SLC25A33: variants seen among roughly 807,000 people sequenced by gnomAD.
SLC25A33 encodes bone marrow stromal cell mitochondrial carrier protein.
A neutral mutation model predicts 35.5 loss-of-function variants in SLC25A33; 15 were observed. The ratio of observed to expected loss-of-function variants is 0.42; its 90% CI spans 0.28 to 0.65. SLC25A33 has a LOEUF of 0.65. SLC25A33 is among the 30% of genes least tolerant of loss of function. The pLI is 0.20. For synonymous variants in SLC25A33, 136 were observed against 148.7 expected (o/e 0.91, Z 0.62); for missense variants, 257 against 398.5 (o/e 0.64, Z 3.02).
intron 1 of SLC25A33, among the ~76,000 whole-genome samples, chr1:9,540,306 G>A (rs922274061): frequency 6.6e-6 from 1 of 152,166 alleles, no homozygotes; most frequent in African/African-American, 2.4e-5. Flanking sequence ...CTAAGCCAGG[G>A]ACCCGAACTC....
At position 9,563,006 on chromosome 1, in the gene SLC25A33, C is replaced by T. The variant is rs1483260946; in HGVS notation, c.237-4278C>T. On this transcript the variant is annotated intron_variant, in intron 2 of 6. Coordinates refer to ENST00000302692, the MANE Select transcript of SLC25A33 (RefSeq NM_032315.3). ...CAATCTCGGCTCACTGCAAGCTCCA[C>T]CTCCTGGGTTCACGCCATTCTCCTG... 2.0e-5 allele frequency among the ~76,000 whole-genome samples: 3 copies of T among 150,828 alleles called. No individual in the cohort carries two copies. The South Asian group carries it at 6.3e-4, about 32-fold the overall frequency.
At position 9,582,417 on chromosome 1, in the gene SLC25A33, G is replaced by A; in HGVS notation, c.882G>A (p.Gln294=). 6.2e-7 allele frequency: 1 copy of A among 1,613,956 alleles called. No individual in the cohort carries two copies. ...YLAFYRGLFA[Q]LIRQIPNTAI... ...CCTTTTATAGAGGACTGTTTGCCCA[G>A]CTTATCCGGCAGATCCCAAATACTG... Residue 294 remains glutamine, a synonymous_variant, in exon 7 of 7, where the codon CAG becomes CAA. Coordinates refer to ENST00000302692, the MANE Select transcript of SLC25A33 (RefSeq NM_032315.3). The surrounding 1 kb of genome is among the most constrained non-coding windows in gnomAD (Gnocchi z 4.0).
chr1:9,559,416 G>T (rs192505088), intron 2 of SLC25A33, among the ~76,000 whole-genome samples: 6 of 152,060 alleles, frequency 3.9e-5, no homozygotes, highest in Admixed American at 3.9e-4. Flanking sequence ...CATATAAAGG[G>T]CTTAACACCC....
chr1:9,545,744 G>A (rs1370735236), intron 1 of SLC25A33, among the ~76,000 whole-genome samples: 5 of 151,026 alleles, frequency 3.3e-5, no homozygotes, highest in Admixed American at 1.3e-4. Context: ...TGGATCACTT[G>A]AGGTCAGGAG....
At chr1:9,568,013 T>C (rs1266255187) in intron 3 of SLC25A33, among the ~76,000 whole-genome samples, 2 of 152,222 alleles carry the variant, frequency 1.3e-5, no homozygotes, top group Non-Finnish European at 2.9e-5. Flanking sequence ...GGCTACTGTA[T>C]TGAAGAGCAG....
intron 5 of SLC25A33, chr1:9,576,613 G>A: frequency 1.7e-6 from 1 of 583,900 alleles, no homozygotes; most frequent in Non-Finnish European, 3.3e-6. Flanking sequence ...AAAGGAACTG[G>A]CTACCGTTCG....
intron 2 of SLC25A33, among the ~76,000 whole-genome samples, chr1:9,557,348 C>T (rs1643358818): frequency 6.6e-6 from 1 of 152,178 alleles, no homozygotes; most frequent in Admixed American, 6.6e-5. Context: ...TGGCACTTTT[C>T]ACCCAAGAGC....
intron 2 of SLC25A33, among the ~76,000 whole-genome samples, chr1:9,563,310 G>T (rs1183777769): frequency 2.0e-5 from 3 of 152,022 alleles, no homozygotes; most frequent in Non-Finnish European, 4.4e-5. Flanking sequence ...TCATCTAATT[G>T]CTAGCCTACT....
At chr1:9,568,798 C>T (rs1206113450) in intron 3 of SLC25A33, among the ~76,000 whole-genome samples, 2 of 151,706 alleles carry the variant, frequency 1.3e-5, no homozygotes, top group Admixed American at 6.6e-5. Flanking sequence ...TTGCAGTGAG[C>T]TGAGATCGCT....
At chr1:9,559,085 C>T (rs995735434) in intron 2 of SLC25A33, among the ~76,000 whole-genome samples, 2 of 152,188 alleles carry the variant, frequency 1.3e-5, no homozygotes, top group African/African-American at 2.4e-5. Flanking sequence ...GCACGGCTGA[C>T]GTCCGCTGTC....
At chr1:9,541,923 C>T (rs1369896987) in intron 1 of SLC25A33, among the ~76,000 whole-genome samples, 1 of 151,940 alleles carries the variant, frequency 6.6e-6, no homozygotes, top group Non-Finnish European at 1.5e-5. Flanking sequence ...CCTCAGCCTC[C>T]CGAATAGCTG....
intron 5 of SLC25A33, 149 bp downstream of exon 5, chr1:9,573,561 G>A: frequency 3.0e-6 from 2 of 664,316 alleles, no homozygotes; most frequent in South Asian, 1.9e-5. Context: ...TTCCTTTTGT[G>A]TTGAGGTTTG....
At chr1:9,552,003 A>G (rs1299512578) in intron 1 of SLC25A33, among the ~76,000 whole-genome samples, 1 of 152,188 alleles carries the variant, frequency 6.6e-6, no homozygotes, top group Non-Finnish European at 1.5e-5. Context: ...GAGATGATGG[A>G]AGTAGGTATT....
At chr1:9,565,991 T>G (rs1452725633) in intron 2 of SLC25A33, among the ~76,000 whole-genome samples, 1 of 151,872 alleles carries the variant, frequency 6.6e-6, no homozygotes, top group Non-Finnish European at 1.5e-5. Flanking sequence ...TCCATGAAAA[T>G]TATTAGTTTT....
Position 9,582,204 on chromosome 1 carries a change from G to A in SLC25A33, c.764-95G>A, listed in dbSNP as rs1643754799. 17 of 1,379,996 alleles carry A rather than the reference G, an allele frequency of 1.2e-5. No homozygotes were observed. Among genetic ancestry groups the A allele is most frequent in the Non-Finnish European group, 1.6e-5 (16 of 980,262 alleles). The allele number at this position is 1,379,996 out of a possible 1,614,324, so 85.5% of individuals were successfully genotyped here. A position where few individuals can be genotyped will look rare whatever the true frequency, so the allele number is the denominator to read the frequency against. ...TCTGGGATTACAGGTGTGAGCCACCGCACCCGGCCTAACCTTGACAGTTTT... is the reference window on the plus strand; with the variant it reads ...TCTGGGATTACAGGTGTGAGCCACCACACCCGGCCTAACCTTGACAGTTTT... On this transcript the variant is annotated intron_variant, in intron 6 of 6. Transcript: ENST00000302692. The surrounding 1 kb of genome is among the most constrained non-coding windows in gnomAD (Gnocchi z 4.0).
chr1:9,574,390 C>T (rs979984314), intron 5 of SLC25A33, among the ~76,000 whole-genome samples: 2 of 152,260 alleles, frequency 1.3e-5, no homozygotes, highest in Middle Eastern at 3.4e-3. Flanking sequence ...CACACCAGGC[C>T]TTAATAAGGT....
intron 2 of SLC25A33, among the ~76,000 whole-genome samples, chr1:9,560,950 CTTTT>C (rs1236263182): frequency 3.7e-5 from 5 of 135,766 alleles, no homozygotes; most frequent in Admixed American, 7.5e-5. Context: ...GAGACACATT[CTTTT>C]TTTTTTTTTT....
intron 2 of SLC25A33, among the ~76,000 whole-genome samples, chr1:9,555,310 G>A (rs145126951): frequency 0.019 from 2,874 of 151,776 alleles, 51 homozygotes; most frequent in Non-Finnish European, 0.029. Context: ...AGTAGAGACG[G>A]GGTTTCACCA....
At chr1:9,580,566 A>C (rs911398012) in intron 6 of SLC25A33, among the ~76,000 whole-genome samples, 25 of 152,120 alleles carry the variant, frequency 1.6e-4, no homozygotes, top group African/African-American at 6.0e-4. Context: ...AGCCAAACTT[A>C]CTCAGCCTCG....
Sources: allele counts gnomAD v4.1 joint callset (sites outside exome capture counted in the v4.1 genomes callset), GRCh38; gene constraint gnomAD v4.1.1; non-coding constraint Gnocchi (gnomAD v3.1); transcripts MANE v1.5; gene names NCBI Gene and HGNC (gene_info 2026-07-23, HGNC 2026-07-21).